Variants in GPC6 observed in about 807,000 individuals in gnomAD.
The protein encoded by GPC6 is glypican-6.
A neutral mutation model predicts 55.2 loss-of-function variants in GPC6; 14 were observed. The observed-to-expected ratio is 0.25, with a 90% CI of 0.17 to 0.40. The LOEUF is 0.40. Among genes scored for constraint, GPC6 ranks in the 10% least tolerant of loss-of-function variants. The pLI, the probability that GPC6 is intolerant of heterozygous loss-of-function variation, is 1.00. For synonymous variants in GPC6, 278 were observed against 259.6 expected (o/e 1.07, Z -0.68); for missense variants, 641 against 708.5 (o/e 0.90, Z 1.08).
At chr13:94,070,531 G>C (rs1426976486) in intron 4 of GPC6, among the ~76,000 whole-genome samples, 1 of 152,136 alleles carries the variant, frequency 6.6e-6, no homozygotes, top group Non-Finnish European at 1.5e-5. Context: ...AATGGGTCTG[G>C]GAACTATGCT....
intron 1 of GPC6, among the ~76,000 whole-genome samples, chr13:93,397,233 G>C (rs1223546450): frequency 6.6e-6 from 1 of 152,164 alleles, no homozygotes; most frequent in Non-Finnish European, 1.5e-5. Flanking sequence ...CACATTTGAA[G>C]TGGACATTTC....
chr13:94,113,826 G>A (rs1260207207), intron 4 of GPC6, among the ~76,000 whole-genome samples: 1 of 151,698 alleles, frequency 6.6e-6, no homozygotes, highest in Non-Finnish European at 1.5e-5. Context: ...TTCTTGACCA[G>A]CCTGGCCAAC....
intron 1 of GPC6, among the ~76,000 whole-genome samples, chr13:93,309,273 GTCTT>G (rs899794304): frequency 1.7e-4 from 25 of 149,672 alleles, no homozygotes; most frequent in African/African-American, 5.6e-4. Flanking sequence ...TGGTAGGTAA[GTCTT>G]TATTTTTGTG....
chr13:93,727,858 T>C (rs896683620), intron 2 of GPC6, among the ~76,000 whole-genome samples: 2 of 152,082 alleles, frequency 1.3e-5, no homozygotes, highest in Non-Finnish European at 2.9e-5. Context: ...GCCTCCCTTC[T>C]GTGAACTCGC....
chr13:93,339,636 G>A (rs1436309639), intron 1 of GPC6, among the ~76,000 whole-genome samples: 1 of 152,212 alleles, frequency 6.6e-6, no homozygotes. Context: ...GTGCATGTAA[G>A]ATTGGTCAGT....
At chr13:93,696,289 G>A (rs1882449309) in intron 2 of GPC6, among the ~76,000 whole-genome samples, 1 of 151,988 alleles carries the variant, frequency 6.6e-6, no homozygotes, top group African/African-American at 2.4e-5. Flanking sequence ...CACAAACTTT[G>A]AATATTTAGA....
rs75401416 is a variant in GPC6, at chr13:94,393,428, T to G, written c.1290-5038T>G. Among the ~76,000 whole-genome samples, 867 of 152,316 alleles carry G rather than the reference T, an allele frequency of 5.7e-3. 21 individuals are homozygous for G. In the East Asian group the frequency reaches 0.081, roughly 14 times the overall value. ...GGGTCTTGAATTTTGGCACTGCACA[T>G]AGGGATTTACATCTACTTAGATGAG... On this transcript the variant is annotated intron_variant, in intron 7 of 8. Transcript: ENST00000377047.
chr13:93,459,629 C>A (rs1473280690), intron 1 of GPC6, among the ~76,000 whole-genome samples: 1 of 152,064 alleles, frequency 6.6e-6, no homozygotes, highest in Non-Finnish European at 1.5e-5. Flanking sequence ...GTATTCTAAT[C>A]TGTAAGTATC....
intron 6 of GPC6, 61 bp from the exon 7 acceptor site, chr13:94,382,353 G>A: frequency 1.3e-6 from 2 of 1,586,994 alleles, no homozygotes; most frequent in South Asian, 1.1e-5. Flanking sequence ...GTACGTCCTT[G>A]TGTAGAAATG....
intron 1 of GPC6, among the ~76,000 whole-genome samples, chr13:93,481,600 A>T (rs1392819416): frequency 6.7e-6 from 1 of 150,178 alleles, no homozygotes; most frequent in South Asian, 2.1e-4. Flanking sequence ...TTTTTTGGTG[A>T]TAATTTTTGT....
At chr13:94,287,775 C>T (rs1892570289) in intron 5 of GPC6, among the ~76,000 whole-genome samples, 1 of 152,118 alleles carries the variant, frequency 6.6e-6, no homozygotes, top group African/African-American at 2.4e-5. Flanking sequence ...AAATCTATGC[C>T]TAGAAACCAA....
chr13:93,307,542 T>C (rs979135399), intron 1 of GPC6, among the ~76,000 whole-genome samples: 25 of 152,128 alleles, frequency 1.6e-4, no homozygotes, highest in Admixed American at 1.6e-3. Flanking sequence ...CTCATACCTA[T>C]GTATGGAAAG....
chr13:94,142,503 T>C (rs1887416331), intron 4 of GPC6, among the ~76,000 whole-genome samples: 1 of 152,190 alleles, frequency 6.6e-6, no homozygotes, highest in Admixed American at 6.5e-5. Flanking sequence ...CACTTAATAC[T>C]TTAGGATTTT....
chr13:94,054,793 A>G (rs1410353522), intron 4 of GPC6, among the ~76,000 whole-genome samples: 1 of 152,156 alleles, frequency 6.6e-6, no homozygotes, highest in Admixed American at 6.6e-5. Context: ...TGAATTTCTT[A>G]TATTAATCTG....
At chr13:93,578,011 C>T (rs1876747227) in intron 2 of GPC6, among the ~76,000 whole-genome samples, 1 of 151,988 alleles carries the variant, frequency 6.6e-6, no homozygotes, top group South Asian at 2.1e-4. Flanking sequence ...GTGTCATATT[C>T]ATTGATTTGC....
At chr13:94,300,848 C>T (rs1035119281) in intron 5 of GPC6, among the ~76,000 whole-genome samples, 13 of 152,256 alleles carry the variant, frequency 8.5e-5, no homozygotes, top group African/African-American at 3.1e-4. Flanking sequence ...AACTTCTGTT[C>T]TGTTGTAAAA....
chr13:93,935,718 C>T (rs961709084), intron 3 of GPC6, among the ~76,000 whole-genome samples: 2 of 152,096 alleles, frequency 1.3e-5, no homozygotes, highest in Non-Finnish European at 2.9e-5. Context: ...TGTGAAGCAG[C>T]CTGTCTTAAA....
chr13:94,233,618 T>G, intron 4 of GPC6, among the ~76,000 whole-genome samples: 1 of 152,180 alleles, frequency 6.6e-6, no homozygotes, highest in African/African-American at 2.4e-5. Context: ...GTCTCCACAC[T>G]GTCTTCCCTC....
intron 2 of GPC6, among the ~76,000 whole-genome samples, chr13:93,626,814 A>T (rs1433442634): frequency 6.6e-6 from 1 of 151,944 alleles, no homozygotes; most frequent in Non-Finnish European, 1.5e-5. Flanking sequence ...AAAAAAAAAA[A>T]AAAAATCCTA....
Sources: gnomAD v4.1 joint callset for allele counts (sites outside exome capture counted in the v4.1 genomes callset) on GRCh38, gnomAD v4.1.1 for gene constraint, MANE v1.5 for transcripts, NCBI Gene and HGNC (gene_info 2026-07-23, HGNC 2026-07-21) for gene names.